The following MSRA variants were observed in gnomAD, a reference collection of about 807,000 sequenced individuals.
MSRA encodes the protein mitochondrial peptide methionine sulfoxide reductase.
MSRA carries 54 observed loss-of-function variants against 31.3 expected under a neutral mutation model. The ratio of observed to expected loss-of-function variants is 1.73; its 90% CI spans 1.39 to 2.17. MSRA has a LOEUF of 2.17. Ranked by LOEUF, MSRA falls within the 30% of genes most tolerant of loss-of-function variation. MSRA has a pLI of 0.00. For missense variants in MSRA, 507 were observed against 300.9 expected (o/e 1.69, Z -5.07); for synonymous variants, 169 against 116.5 (o/e 1.45, Z -2.90).
At chr8:10,283,802 CATATATAT>C (rs375322603) in intron 3 of MSRA, among the ~76,000 whole-genome samples, 33 of 46,158 alleles carry the variant, frequency 7.1e-4, no homozygotes, top group South Asian at 6.8e-3. Flanking sequence ...TATTCTATCT[CATATATAT>C]ATATATATAT....
In MSRA at chr8:10,428,196, G is replaced by A. The variant is rs771328321; in HGVS notation, c.592G>A (p.Gly198Arg). ...FGPITTDIRE[G>R]QTFYYAEDYH... The stretch of plus-strand genomic sequence containing the variant: ...CCCCATCACTACCGACATCCGGGAG[G>A]GACAGACTTTCTACTATGCGGAAGA... Residue 198 changes from glycine to arginine, a missense_variant, in exon 6 of 6, where the codon GGA (glycine) becomes AGA (arginine). Coordinates refer to ENST00000317173, the MANE Select transcript of MSRA (RefSeq NM_012331.5). 1.2e-6 allele frequency: 2 copies of A among 1,614,118 alleles called. 1 individual carries two copies. The highest frequency in any genetic ancestry group is 1.7e-6 in the Non-Finnish European group (2 of 1,180,022).
At chr8:10,342,510 C>T (rs548416231) in intron 5 of MSRA, among the ~76,000 whole-genome samples, 15 of 152,258 alleles carry the variant, frequency 9.9e-5, no homozygotes, top group South Asian at 6.2e-4. Flanking sequence ...TGGAGTTCCC[C>T]GGGGGCCTCT....
At chr8:10,234,499 A>C (rs1011348096) in intron 2 of MSRA, among the ~76,000 whole-genome samples, 1 of 152,126 alleles carries the variant, frequency 6.6e-6, no homozygotes, top group African/African-American at 2.4e-5. Context: ...GGTCAAAGGC[A>C]GTCAGAAAAG....
At chr8:10,106,973 C>T (rs1036520448) in intron 1 of MSRA, among the ~76,000 whole-genome samples, 3 of 152,108 alleles carry the variant, frequency 2.0e-5, no homozygotes, top group African/African-American at 4.8e-5. Flanking sequence ...CTACCCCATC[C>T]GTCCATCCAT....
At chr8:10,065,881 G>C (rs1268342787) in intron 1 of MSRA, among the ~76,000 whole-genome samples, 1 of 151,946 alleles carries the variant, frequency 6.6e-6, no homozygotes, top group South Asian at 2.1e-4. Context: ...GGCGCTAAGA[G>C]TCAACTCTTC....
chr8:10,227,707 T>A (rs757922655), intron 2 of MSRA, among the ~76,000 whole-genome samples: 1 of 152,078 alleles, frequency 6.6e-6, no homozygotes. Context: ...AAAAGAAAAA[T>A]TAATCAAATT....
At chr8:10,288,745 T>G (rs1800071291) in intron 3 of MSRA, among the ~76,000 whole-genome samples, 1 of 152,220 alleles carries the variant, frequency 6.6e-6, no homozygotes, top group African/African-American at 2.4e-5. Context: ...GAGCCATGCT[T>G]CCTGAGCAAT....
chr8:10,059,854 A>C (rs1236707835), intron 1 of MSRA, among the ~76,000 whole-genome samples: 1 of 152,218 alleles, frequency 6.6e-6, no homozygotes, highest in African/African-American at 2.4e-5. Context: ...GAAAAGTACA[A>C]TTGGCTTTTA....
intron 1 of MSRA, among the ~76,000 whole-genome samples, chr8:10,143,173 G>A (rs1802851147): frequency 2.0e-5 from 3 of 152,130 alleles, no homozygotes; most frequent in South Asian, 4.2e-4. Flanking sequence ...TCTTTCACGG[G>A]GAAAGAGGAG....
intron 1 of MSRA, among the ~76,000 whole-genome samples, chr8:10,163,411 T>C (rs562072874): frequency 6.6e-6 from 1 of 152,320 alleles, no homozygotes; most frequent in Admixed American, 6.5e-5. Flanking sequence ...GAGGCCAGTG[T>C]GTGGACTGGC....
rs192875963 is a variant in MSRA at position 10,191,382 on chromosome 8, T to C, written c.143-16451T>C. Reference sequence around the variant, plus strand: ...GGCATTAACTTAAATTTAGCCTCCCTGGGAATTTTGGAAAAACATTTTTCT... The same window carrying C: ...GGCATTAACTTAAATTTAGCCTCCCCGGGAATTTTGGAAAAACATTTTTCT... On this transcript the variant is annotated intron_variant, in intron 1 of 5. Coordinates refer to ENST00000317173, the MANE Select transcript of MSRA (RefSeq NM_012331.5). Among the ~76,000 whole-genome samples the C allele has an allele frequency of 8.7e-3, 1,330 of 152,276 alleles. 14 individuals are homozygous for C. Among genetic ancestry groups the C allele is most frequent in the Non-Finnish European group, 0.013 (869 of 68,016 alleles).
At chr8:10,354,608 G>T (rs1396342162) in intron 5 of MSRA, among the ~76,000 whole-genome samples, 2 of 151,896 alleles carry the variant, frequency 1.3e-5, no homozygotes, top group African/African-American at 2.4e-5. Context: ...TGAAATATCG[G>T]TCAGTAAAAT....
At chr8:10,231,597 A>C (rs1414243913) in intron 2 of MSRA, among the ~76,000 whole-genome samples, 1 of 152,182 alleles carries the variant, frequency 6.6e-6, no homozygotes, top group African/African-American at 2.4e-5. Context: ...ATATAGAAAG[A>C]GGCTGCTCTA....
intron 5 of MSRA, among the ~76,000 whole-genome samples, chr8:10,331,561 A>G (rs940565160): frequency 6.6e-6 from 1 of 152,186 alleles, no homozygotes; most frequent in African/African-American, 2.4e-5. Context: ...TAGTAAATGT[A>G]GAGAGCTAGA....
chr8:10,417,447 T>TACGC (rs1808532617), intron 5 of MSRA, among the ~76,000 whole-genome samples: 2 of 24,138 alleles, frequency 8.3e-5, no homozygotes, highest in South Asian at 3.0e-3. Context: ...CACACACACA[T>TACGC]ACGCACACTC....
At chr8:10,372,465 G>C (rs1472711238) in intron 5 of MSRA, among the ~76,000 whole-genome samples, 2 of 152,178 alleles carry the variant, frequency 1.3e-5, no homozygotes, top group Non-Finnish European at 2.9e-5. Context: ...GTAATGTTAT[G>C]AGTAAATAGG....
chr8:10,285,554 A>T (rs1224448665), intron 3 of MSRA, among the ~76,000 whole-genome samples: 2 of 152,136 alleles, frequency 1.3e-5, no homozygotes, highest in Non-Finnish European at 2.9e-5. Context: ...ATTGTTAATT[A>T]TAGTCAGTCT....
chr8:10,195,948 G>A (rs1239992477), intron 1 of MSRA, among the ~76,000 whole-genome samples: 4 of 152,218 alleles, frequency 2.6e-5, no homozygotes, highest in African/African-American at 9.6e-5. Context: ...GTGTTCAAGG[G>A]TGAAAGGTTG....
intron 1 of MSRA, among the ~76,000 whole-genome samples, chr8:10,062,516 C>G (rs898477542): frequency 2.6e-5 from 4 of 152,140 alleles, no homozygotes; most frequent in Non-Finnish European, 5.9e-5. Context: ...ATGATAAATA[C>G]TTGTTGAAAG....
Sources: gnomAD v4.1 joint callset for allele counts (sites outside exome capture counted in the v4.1 genomes callset) on GRCh38, gnomAD v4.1.1 for gene constraint, MANE v1.5 for transcripts, NCBI Gene and HGNC (gene_info 2026-07-23, HGNC 2026-07-21) for gene names.